Variants in TRRAP observed in about 807,000 individuals in gnomAD.
TRRAP encodes the protein transformation/transcription domain associated protein.
Under a neutral mutation model 438.8 loss-of-function variants are expected in TRRAP, and 41 were observed. The ratio of observed to expected loss-of-function variants is 0.09; its 90% confidence interval spans 0.07 to 0.12. TRRAP has a LOEUF of 0.12. Ranked by LOEUF, TRRAP falls within the 10% of genes least tolerant of loss-of-function variation. TRRAP has a pLI of 1.00. For missense variants in TRRAP, 3,122 were observed against 5,055.1 expected (o/e 0.62, Z 11.60); for synonymous variants, 1,994 against 1,962.9 (o/e 1.02, Z -0.42).
Position 98,962,142 on chromosome 7 carries a change from G to A in TRRAP, c.6704-160G>A, listed in dbSNP as rs567958032. Among the ~76,000 whole-genome samples, 19 of 150,144 alleles carry A rather than the reference G, an allele frequency of 1.3e-4. No homozygotes were observed. In the South Asian group the frequency reaches 3.6e-3, roughly 29 times the overall value. ...TATTCTGCATATAGCTGTGTAGAAC[G>A]GGAACCAGCCCAGAGGTGAGGCCCA... is the stretch of plus-strand genomic sequence containing the variant. On this transcript the variant is annotated intron_variant, in intron 46 of 72. Coordinates refer to ENST00000456197, the MANE Select transcript of TRRAP (RefSeq NM_001375524.1).
At chr7:98,992,960 T>C (rs552389481) in intron 65 of TRRAP, among the ~76,000 whole-genome samples, 1 of 152,272 alleles carries the variant, frequency 6.6e-6, no homozygotes, top group East Asian at 1.9e-4. Context: ...GTTTTAAGAC[T>C]AAGTGTAGAG....
chr7:98,972,587 G>C (rs1311690839), intron 53 of TRRAP, among the ~76,000 whole-genome samples: 1 of 152,172 alleles, frequency 6.6e-6, no homozygotes, highest in Non-Finnish European at 1.5e-5. Context: ...GAAACTCTCT[G>C]GCTTCTGCAA....
chr7:98,970,664 G>A (rs928080778), intron 52 of TRRAP, among the ~76,000 whole-genome samples: 2 of 151,510 alleles, frequency 1.3e-5, no homozygotes, highest in Non-Finnish European at 2.9e-5. Context: ...GATGAATCAC[G>A]TTACCATGAG....
rs769578583 is a variant in TRRAP, at chr7:98,976,437, G to C, written c.7960-46G>C. 1.3e-6 allele frequency: 2 copies of C among 1,586,570 alleles called. No homozygotes were observed. The highest frequency in any genetic ancestry group is 1.7e-6 in the Non-Finnish European group (2 of 1,167,928). ...TGCATCGAGAGAGACAGCAAGACTT[G>C]CCGATTTTTGAATGAAGGCCTAAAT... is the stretch of plus-strand genomic sequence containing the variant. On this transcript the variant is annotated intron_variant, in intron 54 of 72. Transcript: ENST00000456197. This position sits in a 1 kb window ranked among gnomAD's most constrained non-coding sequence, Gnocchi z 4.6.
At chr7:98,882,184 G>A (rs1795473472) in intron 3 of TRRAP, among the ~76,000 whole-genome samples, 160 bp downstream of exon 3, 1 of 152,138 alleles carries the variant, frequency 6.6e-6, no homozygotes, top group African/African-American at 2.4e-5. Context: ...TTTGTACACA[G>A]CGTTTTCCAT....
chr7:98,976,128 C>G lies in TRRAP; in HGVS notation c.7840-21C>G, dbSNP rs764402805. 6.2e-7 allele frequency: 1 copy of G among 1,613,188 alleles called. No individual in the cohort carries two copies. Among genetic ancestry groups the G allele is most frequent in the Non-Finnish European group, 8.5e-7 (1 of 1,179,524 alleles). Reference sequence around the variant, plus strand: ...ACCCCCAGCCCGTGGCCATCTCAGCCTGTTGTCTTTCTGTTCATAGACTGG... The same window carrying G: ...ACCCCCAGCCCGTGGCCATCTCAGCGTGTTGTCTTTCTGTTCATAGACTGG... On this transcript the variant is annotated intron_variant, in intron 53 of 72. Coordinates refer to ENST00000456197, the MANE Select transcript of TRRAP (RefSeq NM_001375524.1). The surrounding 1 kb of genome is among the most constrained non-coding windows in gnomAD (Gnocchi z 4.6).
chr7:98,988,176 GGT>G (rs774073697), intron 62 of TRRAP, among the ~76,000 whole-genome samples: 2 of 152,134 alleles, frequency 1.3e-5, no homozygotes, highest in Non-Finnish European at 2.9e-5. Context: ...GTACATTGCT[GGT>G]GTAATAGTGA....
chr7:98,930,679 C>G lies in TRRAP; in HGVS notation c.3440C>G (p.Ala1147Gly). 1.2e-6 allele frequency: 2 copies of G among 1,614,132 alleles called. No individual in the cohort carries two copies. Among genetic ancestry groups the G allele is most frequent in the Non-Finnish European group, 1.7e-6 (2 of 1,180,042 alleles). Residue 1147 changes from alanine (A) to glycine (G), a missense_variant, in exon 25 of 73, where the codon GCA becomes GGA. Coordinates refer to ENST00000456197, the MANE Select transcript of TRRAP (RefSeq NM_001375524.1). The part of the protein sequence containing the change: ...LFSYIVERLC[A>G]CCYEQAWYAK... ...TCTTACATCGTGGAGCGCCTGTGTGCATGTTGTTATGAACAGGCGTGGTAT... is the reference window on the plus strand; with the variant it reads ...TCTTACATCGTGGAGCGCCTGTGTGGATGTTGTTATGAACAGGCGTGGTAT...
chr7:98,953,209 C>T lies in TRRAP; in HGVS notation c.5506C>T (p.Arg1836Trp), dbSNP rs782410485. The change falls in exon 40 of 73, where the codon CGG becomes TGG. Residue 1836 changes from arginine to tryptophan, a missense_variant. By Grantham distance (101) the Arg-to-Trp change is moderately radical (BLOSUM62 -3). Around this residue, in one of 24 missense-constraint regions of TRRAP, gnomAD observed 272 missense variants for 348.5 expected, o/e 0.78. Coordinates refer to ENST00000456197, the MANE Select transcript of TRRAP (RefSeq NM_001375524.1). ...EKQADMLDSL[R>W]IYLLQYATLL... ...GCAGGCGGACATGCTGGACTCGCTGCGGATCTACCTGCTGCAGTACGCCAC... is the reference window on the plus strand; with the variant it reads ...GCAGGCGGACATGCTGGACTCGCTGTGGATCTACCTGCTGCAGTACGCCAC... 1.2e-6 allele frequency: 2 copies of T among 1,613,304 alleles called. No homozygotes were observed. Among genetic ancestry groups the T allele is most frequent in the Admixed American group, 1.7e-5 (1 of 59,998 alleles).
intron 21 of TRRAP, among the ~76,000 whole-genome samples, chr7:98,923,770 C>A (rs1789911065): frequency 6.6e-6 from 1 of 152,176 alleles, no homozygotes; most frequent in African/African-American, 2.4e-5. Flanking sequence ...CCTGTCATCA[C>A]CCTCTCCTGG....
At position 98,964,655 on chromosome 7, in the gene TRRAP, T is replaced by G; in HGVS notation, c.6856T>G (p.Cys2286Gly). ...FGTLMILKSACSNNPSYIDRL... is the reference protein window; with the variant it reads ...FGTLMILKSAGSNNPSYIDRL... ...GACCCTTATGATCCTCAAGTCTGCCTGCAGCAACAACCCCAGCTACATAGA... is the reference window on the plus strand; with the variant it reads ...GACCCTTATGATCCTCAAGTCTGCCGGCAGCAACAACCCCAGCTACATAGA... Residue 2286 changes from cysteine to glycine, a missense_variant, in exon 48 of 73, where the codon TGC (cysteine) becomes GGC (glycine). Coordinates refer to ENST00000456197, the MANE Select transcript of TRRAP (RefSeq NM_001375524.1). The G allele has an allele frequency of 6.2e-7, 1 of 1,614,016 alleles. No homozygotes were observed. The highest frequency in any genetic ancestry group is 8.5e-7 in the Non-Finnish European group (1 of 1,179,972).
intron 8 of TRRAP, among the ~76,000 whole-genome samples, chr7:98,898,926 A>G (rs1323759131): frequency 6.6e-6 from 1 of 152,192 alleles, no homozygotes; most frequent in Non-Finnish European, 1.5e-5. Context: ...GGTAGCACAC[A>G]CCTGTAATCC....
At chr7:98,958,531 C>T (rs1180271172) in intron 44 of TRRAP, among the ~76,000 whole-genome samples, 1 of 152,182 alleles carries the variant, frequency 6.6e-6, no homozygotes, top group Non-Finnish European at 1.5e-5. Flanking sequence ...AGCTCCTGAC[C>T]TCAAGTGATC....
At chr7:98,983,196 C>G in intron 59 of TRRAP, 68 bp from the exon 60 acceptor site, 1 of 1,411,244 alleles carries the variant, frequency 7.1e-7, no homozygotes, top group Non-Finnish European at 9.6e-7. Flanking sequence ...CCAATGGACT[C>G]TGGTGTGTTT....
chr7:98,953,086 A>G, intron 39 of TRRAP, 81 bp from the exon 40 acceptor site: 3 of 1,060,650 alleles, frequency 2.8e-6, no homozygotes, highest in Non-Finnish European at 4.1e-6. Flanking sequence ...TGTGTTTTTA[A>G]GGCTTAAACC....
In TRRAP at chr7:98,976,795, A is replaced by C. The variant is rs1261069190; in HGVS notation, c.8247+25A>C. On this transcript the variant is annotated intron_variant, in intron 55 of 72. Transcript: ENST00000456197. This position sits in a 1 kb window ranked among gnomAD's most constrained non-coding sequence, Gnocchi z 4.6. ...GGTGAGGGTGCGCCTCAGTTTGTTA[A>C]TTACCTCTTCCCTGCCAGTGACTTC... 1.2e-6 allele frequency: 2 copies of C among 1,608,508 alleles called. No homozygotes were observed. Among genetic ancestry groups the C allele is most frequent in the African/African-American group, 1.3e-5 (1 of 74,904 alleles).
chr7:99,006,641 CTG>C (rs1030643480), intron 69 of TRRAP, among the ~76,000 whole-genome samples: 2 of 152,332 alleles, frequency 1.3e-5, no homozygotes, highest in Non-Finnish European at 2.9e-5. Context: ...TCAGAATCAT[CTG>C]TGTGCACTTC....
intron 56 of TRRAP, 29 bp downstream of exon 56, chr7:98,977,105 G>A (rs762606233): frequency 9.3e-6 from 15 of 1,613,824 alleles, no homozygotes; most frequent in Non-Finnish European, 1.1e-5. Context: ...ACGGTCTTGG[G>A]TGTGTAATGA....
intron 45 of TRRAP, 38 bp downstream of exon 45, chr7:98,959,528 C>T (rs372133480): frequency 8.4e-5 from 134 of 1,598,268 alleles, no homozygotes; most frequent in South Asian, 4.4e-4. Context: ...GCAGCGCCAC[C>T]GAGGCCACTA....
Sources: gnomAD v4.1 joint callset for allele counts (sites outside exome capture counted in the v4.1 genomes callset) on GRCh38, gnomAD v4.1.1 for gene constraint, gnomAD v4.1.1 regional missense constraint, Gnocchi (gnomAD v3.1) non-coding constraint, MANE v1.5 for transcripts, NCBI Gene and HGNC (gene_info 2026-07-23, HGNC 2026-07-21) for gene names.